Variants in POU6F2 observed in about 807,000 individuals in gnomAD.
The protein encoded by POU6F2 is POU class 6 homeobox 2, also known as POU domain, class 6, transcription factor 2.
A neutral mutation model predicts 71.3 loss-of-function variants in POU6F2; 31 were observed. That is an observed-to-expected ratio of 0.43 (90% CI 0.33 to 0.59). The LOEUF is 0.59. Ranked by LOEUF, POU6F2 falls within the 20% of genes least tolerant of loss-of-function variation. The pLI is 0.04. For synonymous variants in POU6F2, 347 were observed against 355.7 expected, an observed-to-expected ratio of 0.98 and a Z score of 0.27; for missense variants, 783 against 856.8, an observed-to-expected ratio of 0.91 and a Z score of 1.07.
rs142154788 is a variant in POU6F2, at chr7:39,427,620, A to G, written c.1114-5457A>G. On this transcript the variant is annotated intron_variant, in intron 6 of 9. Transcript: ENST00000518318. ...TATCAAGAATGGACAGAATGATGCTAGCGTTAACAAAAATCTCTTGACCAA... is the reference window on the plus strand; with the variant it reads ...TATCAAGAATGGACAGAATGATGCTGGCGTTAACAAAAATCTCTTGACCAA... Among the ~76,000 whole-genome samples the G allele has an allele frequency of 3.5e-3, 533 of 152,322 alleles. 6 individuals carry two copies. Among genetic ancestry groups the G allele is most frequent in the South Asian group, 0.011 (51 of 4,828 alleles).
At chr7:39,407,552 C>T (rs1034678942) in intron 6 of POU6F2, among the ~76,000 whole-genome samples, 1 of 151,484 alleles carries the variant, frequency 6.6e-6, no homozygotes, top group Non-Finnish European at 1.5e-5. Context: ...TCTCAGAGCC[C>T]AGTGGTTAGG....
intron 2 of POU6F2, among the ~76,000 whole-genome samples, chr7:39,124,006 A>G (rs1175334415): frequency 1.3e-5 from 2 of 151,272 alleles, no homozygotes; most frequent in Admixed American, 1.3e-4. Context: ...TCATTGCTAC[A>G]TACCCTTGTT....
At chr7:39,287,411 A>G (rs1784670029) in intron 4 of POU6F2, among the ~76,000 whole-genome samples, 1 of 152,180 alleles carries the variant, frequency 6.6e-6, no homozygotes, top group Non-Finnish European at 1.5e-5. Context: ...CCTTAAAGCT[A>G]ACGTCCAGAT....
rs539480143 is a variant in POU6F2 at position 39,231,090 on chromosome 7, T to A, written c.598+23470T>A. Among the ~76,000 whole-genome samples the A allele has an allele frequency of 1.2e-4, 18 of 152,212 alleles. No homozygotes were observed. In the East Asian group the frequency reaches 2.9e-3, roughly 24 times the overall value. ...CACAGGACAACATCAAAACAAAAAATTATCTAGCCCCAAATGTCAATTGTG... is the reference window on the plus strand; with the variant it reads ...CACAGGACAACATCAAAACAAAAAAATATCTAGCCCCAAATGTCAATTGTG... On this transcript the variant is annotated intron_variant, in intron 4 of 9. Coordinates refer to ENST00000518318, the MANE Select transcript of POU6F2 (RefSeq NM_001370959.1).
intron 2 of POU6F2, among the ~76,000 whole-genome samples, chr7:39,165,089 C>T (rs1331404055): frequency 3.3e-5 from 5 of 152,162 alleles, no homozygotes; most frequent in Non-Finnish European, 5.9e-5. Context: ...CATGCTTCCC[C>T]GGGGATTACA....
chr7:39,242,823 C>T lies in POU6F2; in HGVS notation c.598+35203C>T, dbSNP rs144029474. Among the ~76,000 whole-genome samples the T allele has an allele frequency of 3.8e-3, 579 of 152,256 alleles. 7 individuals are homozygous for T. Among genetic ancestry groups the T allele is most frequent in the South Asian group, 0.022 (105 of 4,818 alleles). The stretch of plus-strand genomic sequence containing the variant: ...ATGCAGGCACACGTGTACACAGTCA[C>T]AGGTATGAAGTAACTTAATCTTCAC... On this transcript the variant is annotated intron_variant, in intron 4 of 9. Coordinates refer to ENST00000518318, the MANE Select transcript of POU6F2 (RefSeq NM_001370959.1).
chr7:39,314,731 G>A (rs60931428), intron 4 of POU6F2, among the ~76,000 whole-genome samples: 1 of 152,120 alleles, frequency 6.6e-6, no homozygotes, highest in East Asian at 1.9e-4. Flanking sequence ...ATCACACTTT[G>A]ATTCTAAAGG....
intron 4 of POU6F2, among the ~76,000 whole-genome samples, chr7:39,283,616 T>G (rs1583496197): frequency 6.6e-6 from 1 of 152,234 alleles, no homozygotes; most frequent in Admixed American, 6.5e-5. Flanking sequence ...CTTTTAAGAC[T>G]AATAATATTC....
At chr7:39,115,409 G>A (rs1224448582) in intron 2 of POU6F2, among the ~76,000 whole-genome samples, 2 of 151,676 alleles carry the variant, frequency 1.3e-5, no homozygotes, top group African/African-American at 4.8e-5. Context: ...CTTCTTTTCT[G>A]GTACTTTGGG....
At chr7:39,436,310 T>A (rs1192836035) in intron 7 of POU6F2, among the ~76,000 whole-genome samples, 1 of 152,154 alleles carries the variant, frequency 6.6e-6, no homozygotes, top group African/African-American at 2.4e-5. Context: ...GAGCAGTGGT[T>A]TGTAGTTCTC....
At chr7:39,384,981 G>C (rs73125516) in intron 5 of POU6F2, among the ~76,000 whole-genome samples, 24,244 of 149,106 alleles carry the variant, frequency 0.16, 2,010 homozygotes, top group East Asian at 0.24. Context: ...CCAGGATTTA[G>C]AAAATGTTGT....
At chr7:39,097,871 A>T (rs1378579272) in intron 2 of POU6F2, among the ~76,000 whole-genome samples, 1 of 152,250 alleles carries the variant, frequency 6.6e-6, no homozygotes, top group Non-Finnish European at 1.5e-5. Flanking sequence ...CATTTCTGGT[A>T]GCTTTTTAGG....
In POU6F2 at chr7:39,440,472, A is replaced by G. The variant is rs567403659; in HGVS notation, c.1320+7189A>G. On this transcript the variant is annotated intron_variant, in intron 7 of 9. Coordinates refer to ENST00000518318, the MANE Select transcript of POU6F2 (RefSeq NM_001370959.1). ...TGATATCCTTTCTTCCACTTGATCA[A>G]TTTGGCTATTGACACTTGTGTATGC... Among the ~76,000 whole-genome samples, 28 of 152,174 alleles carry G rather than the reference A, an allele frequency of 1.8e-4. No homozygotes were observed. In the South Asian group the frequency reaches 2.9e-3, roughly 16 times the overall value.
intron 2 of POU6F2, among the ~76,000 whole-genome samples, chr7:39,141,127 G>A (rs920349285): frequency 6.6e-6 from 1 of 152,170 alleles, no homozygotes; most frequent in Non-Finnish European, 1.5e-5. Context: ...TCAGGGGGTT[G>A]TGTTCTGGCA....
At chr7:39,384,535 A>G (rs1786896888) in intron 5 of POU6F2, among the ~76,000 whole-genome samples, 2 of 149,748 alleles carry the variant, frequency 1.3e-5, no homozygotes, top group African/African-American at 5.0e-5. Context: ...TGTATTTGCT[A>G]TAAATTAAAA....
At chr7:39,058,931 A>G (rs73373220) in intron 1 of POU6F2, among the ~76,000 whole-genome samples, 2,673 of 152,284 alleles carry the variant, frequency 0.018, 69 homozygotes, top group African/African-American at 0.061. Context: ...ATATTTATGA[A>G]AACAACCTGG....
intron 5 of POU6F2, among the ~76,000 whole-genome samples, chr7:39,360,986 A>G (rs1786376966): frequency 6.6e-6 from 1 of 152,150 alleles, no homozygotes; most frequent in Non-Finnish European, 1.5e-5. Context: ...ATCTCATCCT[A>G]TGAGTTAGAA....
chr7:39,184,556 T>A (rs1793494624), intron 2 of POU6F2, among the ~76,000 whole-genome samples: 1 of 152,180 alleles, frequency 6.6e-6, no homozygotes, highest in Non-Finnish European at 1.5e-5. Context: ...AGCAAAATGG[T>A]GCAGCTTTAA....
intron 1 of POU6F2, among the ~76,000 whole-genome samples, chr7:39,015,187 G>A (rs1053233768): frequency 1.1e-4 from 16 of 148,202 alleles, no homozygotes; most frequent in Non-Finnish European, 1.9e-4. Flanking sequence ...AAAAAAAGAT[G>A]GCTATTAATG....
Sources: allele counts gnomAD v4.1 joint callset (sites outside exome capture counted in the v4.1 genomes callset), GRCh38; gene constraint gnomAD v4.1.1; transcripts MANE v1.5; gene names NCBI Gene and HGNC (gene_info 2026-07-23, HGNC 2026-07-21).